Variants in LIPM observed in about 807,000 individuals in gnomAD.
LIPM encodes the protein lipase member M.
LIPM carries 42 observed loss-of-function variants against 42.4 expected under a neutral mutation model. The ratio of observed to expected loss-of-function variants is 0.99; its 90% CI spans 0.77 to 1.28. The LOEUF is 1.28. Among genes scored for constraint, LIPM ranks in the 50% most tolerant of loss-of-function variants. LIPM has a pLI of 0.00. For synonymous variants in LIPM, 177 were observed against 173.3 expected (o/e 1.02, Z -0.17); for missense variants, 524 against 520.1 (o/e 1.01, Z -0.07).
chr10:88,808,641 A>G (rs187446404), intron 2 of LIPM, among the ~76,000 whole-genome samples: 4 of 152,136 alleles, frequency 2.6e-5, no homozygotes, highest in Admixed American at 2.6e-4. Context: ...TTTTCAAAAC[A>G]CTCCTTCAAG....
At position 88,814,646 on chromosome 10, in the gene LIPM, T is replaced by G; in HGVS notation, c.574+7T>G. ...TCACAGGGCACCACCATGGGTAGGTTCAAAGAAAAGCAGGTTTGTATACTC... is the reference window on the plus strand; with the variant it reads ...TCACAGGGCACCACCATGGGTAGGTGCAAAGAAAAGCAGGTTTGTATACTC... On this transcript the variant is annotated splice_region_variant and intron_variant, in intron 4 of 8. Transcript: ENST00000404743. 1 of 1,547,620 alleles carries G rather than the reference T, an allele frequency of 6.5e-7. No individual in the cohort carries two copies. Among genetic ancestry groups the G allele is most frequent in the Non-Finnish European group, 8.7e-7 (1 of 1,143,174 alleles).
chr10:88,813,896 A>T (rs901133489), intron 3 of LIPM, among the ~76,000 whole-genome samples: 1 of 152,126 alleles, frequency 6.6e-6, no homozygotes, highest in Non-Finnish European at 1.5e-5. Flanking sequence ...AGATCTTATG[A>T]GAACTCACTA....
intron 6 of LIPM, 37 bp downstream of exon 6, chr10:88,815,540 A>T (rs1393092697): frequency 1.3e-6 from 2 of 1,541,866 alleles, no homozygotes; most frequent in African/African-American, 2.7e-5. Flanking sequence ...GCATCCCAGC[A>T]TAAAGCTGGG....
chr10:88,808,190 G>A, intron 1 of LIPM, 108 bp from the exon 2 acceptor site: 1 of 638,932 alleles, frequency 1.6e-6, no homozygotes, highest in East Asian at 2.8e-5. Flanking sequence ...GGAAAAGCAA[G>A]GACTTTCACT....
chr10:88,809,412 A>G (rs1843627455), intron 2 of LIPM, among the ~76,000 whole-genome samples: 2 of 152,090 alleles, frequency 1.3e-5, no homozygotes, highest in Admixed American at 1.3e-4. Context: ...TCTTTTTAAT[A>G]CTCTAGCAGT....
intron 3 of LIPM, 143 bp downstream of exon 3, chr10:88,813,438 T>A (rs909446224): frequency 1.5e-6 from 1 of 659,312 alleles, no homozygotes; most frequent in Non-Finnish European, 2.5e-6. Context: ...TTTTCTTAAT[T>A]AACTAGTGAT....
intron 3 of LIPM, 118 bp from the exon 4 acceptor site, chr10:88,814,411 CG>C (rs1843692496): frequency 1.5e-6 from 1 of 657,360 alleles, no homozygotes; most frequent in African/African-American, 1.8e-5. Flanking sequence ...GTGAGGGACA[CG>C]GTAACAAGCT....
chr10:88,817,972 A>C, intron 8 of LIPM, 76 bp downstream of exon 8: 1 of 1,103,868 alleles, frequency 9.1e-7, no homozygotes, highest in Non-Finnish European at 1.3e-6. Flanking sequence ...ATGACAGTTT[A>C]TTCTAGATAT....
chr10:88,815,519 G>T lies in LIPM; in HGVS notation c.858+16G>T. On this transcript the variant is annotated intron_variant, in intron 6 of 8. Coordinates refer to ENST00000404743, the MANE Select transcript of LIPM (RefSeq NM_001128215.1). ...TATGAACATGGTAAGTGGGAGCCTA[G>T]TAAATTCCCAGCATCCCAGCATAAA... 1 of 1,549,046 alleles carries T rather than the reference G, an allele frequency of 6.5e-7. No homozygotes were observed.
chr10:88,808,862 G>A lies in LIPM; in HGVS notation c.265+447G>A, dbSNP rs572494947. Reference sequence around the variant, plus strand: ...GAGCACTTAAAATATTTAAGATGTTGCCTAGCTTTTTACTAAGGGCTTTTG... The same window carrying A: ...GAGCACTTAAAATATTTAAGATGTTACCTAGCTTTTTACTAAGGGCTTTTG... On this transcript the variant is annotated intron_variant, in intron 2 of 8. Transcript: ENST00000404743. 1.4e-3 allele frequency among the ~76,000 whole-genome samples: 208 copies of A among 151,952 alleles called. 1 individual carries two copies. Among genetic ancestry groups the A allele is most frequent in the African/African-American group, 4.8e-3 (197 of 41,408 alleles).
intron 2 of LIPM, among the ~76,000 whole-genome samples, chr10:88,810,883 C>T (rs984588116): frequency 6.6e-6 from 1 of 152,212 alleles, no homozygotes; most frequent in African/African-American, 2.4e-5. Flanking sequence ...GAGCATTGAT[C>T]ACCTTGGTTT....
rs757254002 is a variant in LIPM, at chr10:88,816,819, C to T, written c.862C>T (p.Arg288Ter). Residue 288 changes from arginine (R) to a stop codon, truncating the protein, a stop_gained, in exon 7 of 9, where the codon CGA becomes TGA. Coordinates refer to ENST00000404743, the MANE Select transcript of LIPM (RefSeq NM_001128215.1). LOFTEE classifies it high-confidence loss of function. The part of the protein sequence containing the change: ...GFNTNNMNMS[R>*]ASVYAAHTLA... The stretch of plus-strand genomic sequence containing the variant: ...GAATACTCATGGTTTGTTACAGAGC[C>T]GAGCAAGTGTATATGCTGCCCACAC... 53 of 1,550,304 alleles carry T rather than the reference C, an allele frequency of 3.4e-5. 1 individual carries two copies. The highest frequency in any genetic ancestry group is 3.6e-5 in the Non-Finnish European group (41 of 1,145,946).
At chr10:88,814,452 G>A (rs1489771449) in intron 3 of LIPM, 78 bp from the exon 4 acceptor site, 16 of 951,112 alleles carry the variant, frequency 1.7e-5, no homozygotes, top group African/African-American at 3.3e-5. Flanking sequence ...GGGCTTGTTT[G>A]TAAACCTGGT....
In LIPM at chr10:88,817,729, C is replaced by T. The variant is rs989383198; in HGVS notation, c.931-96C>T. 6.4e-6 allele frequency: 5 copies of T among 777,480 alleles called. No individual in the cohort carries two copies. The African/African-American group carries it at 8.6e-5, about 13-fold the overall frequency. 48.2% of individuals were successfully genotyped at this position (777,480 alleles called of 1,614,324 possible). ...CAGCTCAACCATTGCTCTCTCCTTC[C>T]CTCATGAGTGCACACTGGGTAGCAC... On this transcript the variant is annotated intron_variant, in intron 7 of 8. Transcript: ENST00000404743.
intron 1 of LIPM, among the ~76,000 whole-genome samples, chr10:88,806,608 GT>G (rs1236741428): frequency 6.6e-6 from 1 of 152,178 alleles, no homozygotes; most frequent in African/African-American, 2.4e-5. Flanking sequence ...GTATCAGACT[GT>G]GAGTGGGGTC....
intron 1 of LIPM, among the ~76,000 whole-genome samples, chr10:88,806,189 C>G (rs1394814820): frequency 6.6e-6 from 1 of 152,216 alleles, no homozygotes; most frequent in African/African-American, 2.4e-5. Flanking sequence ...GACCATCTTG[C>G]CACCTGTAGA....
chr10:88,820,100 G>A (rs1713841963), intron 8 of LIPM, 132 bp from the exon 9 acceptor site: 1 of 677,412 alleles, frequency 1.5e-6, no homozygotes, highest in Non-Finnish European at 2.4e-6. Flanking sequence ...TCTTAACAGA[G>A]TTGTGTGGCT....
At position 88,812,948 on chromosome 10, in the gene LIPM, G is replaced by A. The variant is rs1013567562; in HGVS notation, c.266-149G>A. The A allele has an allele frequency of 1.3e-4, 80 of 638,666 alleles. 1 individual carries two copies. The highest frequency in any genetic ancestry group is 1.9e-4 in the Non-Finnish European group (69 of 368,586). 39.6% of individuals were successfully genotyped at this position (638,666 alleles called of 1,614,324 possible). ...GAGGAAATCAAGGCACACACCAAAG[G>A]TCAAGTAATTGGCCAAGATAACTAA... On this transcript the variant is annotated intron_variant, in intron 2 of 8. Transcript: ENST00000404743.
rs772602640 is a variant in LIPM, at chr10:88,802,863, A to G, written c.-34A>G. 2 of 1,516,862 alleles carry G rather than the reference A, an allele frequency of 1.3e-6. No homozygotes were observed. Among genetic ancestry groups the G allele is most frequent in the South Asian group, 1.3e-5 (1 of 78,218 alleles). The allele number at this position is 1,516,862 out of a possible 1,614,324, so 94.0% of individuals were successfully genotyped here. ...TTCTTACTTTAGAATTAGTTGTTACATTGGCAGGAAAAAATAAATGCAGAT... is the reference window on the plus strand; with the variant it reads ...TTCTTACTTTAGAATTAGTTGTTACGTTGGCAGGAAAAAATAAATGCAGAT... On this transcript the variant is annotated 5_prime_UTR_variant, in exon 1 of 9. Coordinates refer to ENST00000404743, the MANE Select transcript of LIPM (RefSeq NM_001128215.1).
Sources: allele counts gnomAD v4.1 joint callset (sites outside exome capture counted in the v4.1 genomes callset), GRCh38; gene constraint gnomAD v4.1.1; transcripts MANE v1.5; gene names NCBI Gene and HGNC (gene_info 2026-07-23, HGNC 2026-07-21).